FRMPD4: variants seen among roughly 807,000 people sequenced by gnomAD.
The protein encoded by FRMPD4 is FERM and PDZ domain containing 4.
FRMPD4 carries 22 observed loss-of-function variants against 94.1 expected under a neutral mutation model. That is an observed-to-expected ratio of 0.23 (90% CI 0.17 to 0.33). The LOEUF is 0.33. Among genes scored for constraint, FRMPD4 ranks in the 10% least tolerant of loss-of-function variants. The pLI is 1.00. For synonymous variants in FRMPD4, 631 were observed against 548.6 expected, an observed-to-expected ratio of 1.15 and a Z score of -2.10; for missense variants, 1,111 against 1,339.9, an observed-to-expected ratio of 0.83 and a Z score of 2.67.
At chrX:12,710,585 C>A (rs766508826) in intron 14 of FRMPD4, 48 bp downstream of exon 14, 2 of 1,091,276 alleles carry the variant, frequency 1.8e-6, no homozygotes, top group Non-Finnish European at 2.5e-6. Context: ...TGCAAACACC[C>A]CACCTGACAA....
chrX:12,386,545 C>CTA (rs1324976236), intron 1 of FRMPD4, among the ~76,000 whole-genome samples: 5 of 112,016 alleles, frequency 4.5e-5, no homozygotes, highest in Non-Finnish European at 5.6e-5. Context: ...CACTCTTTAC[C>CTA]TATTCAGTTT....
At chrX:11,923,318 A>T (rs1007962961) in intron 3 of FRMPD4, among the ~76,000 whole-genome samples, 4 of 112,170 alleles carry the variant, frequency 3.6e-5, no homozygotes, top group Non-Finnish European at 5.6e-5. Flanking sequence ...AGAGAACAGC[A>T]GATCTTCCCA....
chrX:12,504,657 G>T lies in FRMPD4; in HGVS notation c.158+5861G>T, dbSNP rs185807971. Among the ~76,000 whole-genome samples, 122 of 112,489 alleles carry T rather than the reference G, an allele frequency of 1.1e-3. 1 individual carries two copies. The highest frequency in any genetic ancestry group is 1.9e-3 in the Admixed American group (20 of 10,667). On this transcript the variant is annotated intron_variant, in intron 2 of 16. Transcript: ENST00000675598. ...GCTGAGTTAATAATCACTGCTCCCA[G>T]CTGGAAGGTAAGTTTGCAGAGTTGA...
At chrX:12,230,236 T>C (rs1415789340) in intron 1 of FRMPD4, among the ~76,000 whole-genome samples, 1 of 111,675 alleles carries the variant, frequency 9.0e-6, no homozygotes, top group Non-Finnish European at 1.9e-5. Flanking sequence ...GAGTGGCGCA[T>C]AGGGGAAGTG....
intron 2 of FRMPD4, among the ~76,000 whole-genome samples, chrX:12,560,742 CTTTTTTTTTTTTTTTTTTTTTTTTTTTT>C (rs749269384): frequency 9.2e-5 from 4 of 43,446 alleles, no homozygotes; most frequent in Non-Finnish European, 1.7e-4. Flanking sequence ...CTCCCCTCAT[CTTTTTTTTTTTTTTTTTTTTTTTTTTTT>C]TTTTTTTTTT....
chrX:12,323,812 G>A (rs1022771976), intron 1 of FRMPD4, among the ~76,000 whole-genome samples: 3 of 111,402 alleles, frequency 2.7e-5, no homozygotes, highest in African/African-American at 9.8e-5. Context: ...TTGGGTTTAC[G>A]TGAATCCTAT....
At chrX:12,255,638 C>T (rs936711552) in intron 1 of FRMPD4, among the ~76,000 whole-genome samples, 1 of 111,907 alleles carries the variant, frequency 8.9e-6, no homozygotes, top group African/African-American at 3.2e-5. Context: ...TTTTTAAGTA[C>T]TTTATATGTT....
intron 1 of FRMPD4, among the ~76,000 whole-genome samples, chrX:12,270,485 G>A (rs745682163): frequency 1.8e-5 from 2 of 111,241 alleles, no homozygotes; most frequent in Non-Finnish European, 1.9e-5. Context: ...TAACTGGTAG[G>A]ACTAAATATC....
intron 1 of FRMPD4, among the ~76,000 whole-genome samples, chrX:12,358,832 C>T (rs1247529942): frequency 3.6e-5 from 4 of 111,890 alleles, no homozygotes; most frequent in Non-Finnish European, 7.5e-5. Context: ...TACAAGTGTT[C>T]AGAATGGAGC....
intron 3 of FRMPD4, among the ~76,000 whole-genome samples, chrX:12,127,209 G>C (rs947521405): frequency 4.5e-5 from 5 of 111,584 alleles, no homozygotes; most frequent in African/African-American, 6.5e-5. Flanking sequence ...ATCCATTAGG[G>C]CTCCTATATT....
At chrX:11,831,360 T>A (rs1185747154) in intron 1 of FRMPD4, among the ~76,000 whole-genome samples, 1 of 111,445 alleles carries the variant, frequency 9.0e-6, no homozygotes, top group Non-Finnish European at 1.9e-5. Flanking sequence ...GCCTGGATTA[T>A]GGCGGTTCGT....
At chrX:12,160,329 A>G (rs1462872005) in intron 1 of FRMPD4, among the ~76,000 whole-genome samples, 2 of 111,928 alleles carry the variant, frequency 1.8e-5, no homozygotes, top group South Asian at 7.6e-4. Flanking sequence ...GGTTACAGGT[A>G]GACACACTGT....
chrX:12,237,879 G>A (rs1184840932), intron 1 of FRMPD4, among the ~76,000 whole-genome samples: 1 of 112,354 alleles, frequency 8.9e-6, no homozygotes, highest in Non-Finnish European at 1.9e-5. Context: ...AAGCAACAAT[G>A]TGTTAAATAA....
chrX:12,099,837 T>C (rs1258504967), intron 3 of FRMPD4, among the ~76,000 whole-genome samples: 1 of 112,699 alleles, frequency 8.9e-6, no homozygotes, highest in Non-Finnish European at 1.9e-5. Flanking sequence ...GGCCTACCGC[T>C]TATAAGCTGT....
intron 4 of FRMPD4, among the ~76,000 whole-genome samples, chrX:12,643,702 A>G (rs1381954610): frequency 8.9e-6 from 1 of 111,947 alleles, no homozygotes; most frequent in East Asian, 2.8e-4. Context: ...CCCTGGGTGG[A>G]TGACAGTGCC....
Position 12,567,796 on chromosome X carries a change from T to G in FRMPD4, c.159-41925T>G, listed in dbSNP as rs768601269. Among the ~76,000 whole-genome samples the G allele has an allele frequency of 4.5e-5, 5 of 111,360 alleles. No individual in the cohort carries two copies. The East Asian group carries it at 1.4e-3, about 31-fold the overall frequency. ...GTAGAGAGGACAGTTTGAGGCAGGT[T>G]CTGAAGAGCCCTGTATGCTACCAGA... On this transcript the variant is annotated intron_variant, in intron 2 of 16. Transcript: ENST00000675598.
At chrX:12,497,371 TG>T (rs772641769) in intron 1 of FRMPD4, among the ~76,000 whole-genome samples, 266 of 110,090 alleles carry the variant, frequency 2.4e-3, no homozygotes, top group Middle Eastern at 4.6e-3. Flanking sequence ...GAGAAATTGG[TG>T]GGTTTTTTTG....
chrX:12,009,657 G>A (rs775556421), intron 3 of FRMPD4, among the ~76,000 whole-genome samples: 3 of 111,955 alleles, frequency 2.7e-5, no homozygotes, highest in Non-Finnish European at 5.6e-5. Flanking sequence ...CTCACTTACG[G>A]TTTAATCTGA....
At chrX:11,916,222 G>A (rs1032862714) in intron 3 of FRMPD4, among the ~76,000 whole-genome samples, 7 of 111,602 alleles carry the variant, frequency 6.3e-5, no homozygotes, top group African/African-American at 1.6e-4. Flanking sequence ...CACCCCATTT[G>A]TCTGTGGAAA....
Sources: allele counts gnomAD v4.1 joint callset (sites outside exome capture counted in the v4.1 genomes callset), GRCh38; gene constraint gnomAD v4.1.1; transcripts MANE v1.5; gene names NCBI Gene and HGNC (gene_info 2026-07-23, HGNC 2026-07-21).